The following DYNC1I1 variants were observed in gnomAD, a reference collection of about 807,000 sequenced individuals.
The protein encoded by DYNC1I1 is dynein cytoplasmic 1 intermediate chain 1, also known as cytoplasmic dynein 1 intermediate chain 1.
A neutral mutation model predicts 86.6 loss-of-function variants in DYNC1I1; 43 were observed. The observed-to-expected ratio is 0.50, with a 90% CI of 0.39 to 0.64. DYNC1I1 has a LOEUF of 0.64. Among genes scored for constraint, DYNC1I1 ranks in the 30% least tolerant of loss-of-function variants. The pLI, the probability that DYNC1I1 is intolerant of heterozygous loss-of-function variation, is 0.00. For synonymous variants in DYNC1I1, 262 were observed against 283.7 expected (o/e 0.92, Z 0.77); for missense variants, 604 against 788.8 (o/e 0.77, Z 2.81).
intron 16 of DYNC1I1, among the ~76,000 whole-genome samples, chr7:96,087,828 G>A (rs12704831): frequency 0.03 from 4,640 of 152,214 alleles, 117 homozygotes; most frequent in Non-Finnish European, 0.049. Flanking sequence ...ATATTTGCAT[G>A]GGCAGATTTG....
intron 5 of DYNC1I1, among the ~76,000 whole-genome samples, chr7:95,837,273 G>A (rs1432136186): frequency 4.6e-5 from 7 of 152,018 alleles, no homozygotes; most frequent in African/African-American, 1.7e-4. Context: ...TCCCAGTTAG[G>A]CTGCTCGGGG....
intron 10 of DYNC1I1, among the ~76,000 whole-genome samples, chr7:96,013,706 G>T (rs1050378870): frequency 5.3e-5 from 8 of 152,090 alleles, no homozygotes; most frequent in Non-Finnish European, 1.2e-4. Context: ...TGATCCTCTG[G>T]CCTTGGCCTC....
rs1228402594 is a variant in DYNC1I1 at position 95,804,726 on chromosome 7, C to A, written c.-4C>A. 1.9e-6 allele frequency: 3 copies of A among 1,589,230 alleles called. No individual in the cohort carries two copies. The highest frequency in any genetic ancestry group is 8.5e-7 in the Non-Finnish European group (1 of 1,169,806). On this transcript the variant is annotated 5_prime_UTR_variant, in exon 2 of 17. Coordinates refer to ENST00000447467, the MANE Select transcript of DYNC1I1 (RefSeq NM_001135556.2). ...TTTTTTTCTCTTTCTCCAAGGAAACCAACATGTCTGACAAAAGTGACTTAA... is the reference window on the plus strand; with the variant it reads ...TTTTTTTCTCTTTCTCCAAGGAAACAAACATGTCTGACAAAAGTGACTTAA...
intron 6 of DYNC1I1, among the ~76,000 whole-genome samples, chr7:95,922,071 T>C (rs1791624047): frequency 6.6e-6 from 1 of 152,182 alleles, no homozygotes; most frequent in South Asian, 2.1e-4. Flanking sequence ...GAATTTTTCA[T>C]AGTAGCAATT....
At chr7:95,871,938 T>C (rs1790181586) in intron 6 of DYNC1I1, among the ~76,000 whole-genome samples, 1 of 152,252 alleles carries the variant, frequency 6.6e-6, no homozygotes. Flanking sequence ...GCTACCATAG[T>C]TCTTGACATT....
At chr7:95,965,461 A>G (rs1359360128) in intron 6 of DYNC1I1, among the ~76,000 whole-genome samples, 1 of 152,186 alleles carries the variant, frequency 6.6e-6, no homozygotes, top group Non-Finnish European at 1.5e-5. Context: ...TTTGAGCCTC[A>G]ATTTTGTCAT....
intron 1 of DYNC1I1, among the ~76,000 whole-genome samples, chr7:95,801,588 C>T (rs567323277): frequency 7.2e-5 from 11 of 152,286 alleles, no homozygotes; most frequent in African/African-American, 2.6e-4. Flanking sequence ...GGAAAACTCA[C>T]ATTTTCTAAG....
intron 5 of DYNC1I1, among the ~76,000 whole-genome samples, chr7:95,847,739 A>G (rs1022429567): frequency 6.6e-5 from 10 of 152,292 alleles, no homozygotes; most frequent in African/African-American, 2.4e-4. Context: ...TCAGACATAA[A>G]ATGTGAATTT....
chr7:95,842,755 G>A (rs1304324116), intron 5 of DYNC1I1, among the ~76,000 whole-genome samples: 1 of 152,326 alleles, frequency 6.6e-6, no homozygotes, highest in African/African-American at 2.4e-5. Flanking sequence ...ATTTTTCTCA[G>A]AGGATGTCGA....
intron 16 of DYNC1I1, among the ~76,000 whole-genome samples, chr7:96,086,083 G>A (rs959950183): frequency 5.9e-5 from 9 of 152,126 alleles, no homozygotes; most frequent in South Asian, 2.1e-4. Flanking sequence ...AATTATTCAC[G>A]TGTCCTGATG....
intron 1 of DYNC1I1, among the ~76,000 whole-genome samples, chr7:95,781,742 G>A (rs559656982): frequency 6.6e-6 from 1 of 152,240 alleles, no homozygotes; most frequent in African/African-American, 2.4e-5. Context: ...CTTTAACCAG[G>A]GCACATGCTC....
Position 96,013,132 on chromosome 7 carries a change from A to C in DYNC1I1, c.970-15043A>C, listed in dbSNP as rs181406480. ...CCAGTGTAATCACAAGGGATCTCAT[A>C]AGTGAAAGAGAGAGAGAGAGGCAAA... On this transcript the variant is annotated intron_variant, in intron 10 of 16. Transcript: ENST00000447467. Among the ~76,000 whole-genome samples the C allele has an allele frequency of 3.3e-3, 497 of 152,170 alleles. 3 individuals are homozygous for C. Among genetic ancestry groups the C allele is most frequent in the African/African-American group, 0.011 (466 of 41,510 alleles).
rs749086223 is a variant in DYNC1I1, at chr7:95,987,143, C to T, written c.831C>T (p.Asp277=). Residue 277 remains aspartate (D), a synonymous_variant, in exon 9 of 17, where the codon GAC becomes GAT. Transcript: ENST00000447467. ...AGCATCGAGTGGTCACTTGTATGGA[C>T]TGGTCCCTCCAGGTAAGAATTATTG... is the stretch of plus-strand genomic sequence containing the variant. ...WSKHRVVTCM[D]WSLQYPELMV... is the part of the protein sequence containing the mutation. 2.5e-6 allele frequency: 4 copies of T among 1,613,680 alleles called. No individual in the cohort carries two copies. In the Admixed American group the frequency reaches 5.0e-5, roughly 20 times the overall value.
chr7:95,821,513 G>A (rs931994441), intron 4 of DYNC1I1, among the ~76,000 whole-genome samples: 2 of 151,890 alleles, frequency 1.3e-5, no homozygotes, highest in Non-Finnish European at 2.9e-5. Context: ...AGTGAGAGAG[G>A]GAGGAAAAGA....
At chr7:95,977,383 T>A (rs1434259123) in intron 6 of DYNC1I1, 129 bp from the exon 7 acceptor site, 2 of 676,052 alleles carry the variant, frequency 3.0e-6, no homozygotes, top group Non-Finnish European at 4.9e-6. Context: ...GCATTCATTG[T>A]GGACTGATTT....
chr7:95,946,951 G>T (rs770428817), intron 6 of DYNC1I1, among the ~76,000 whole-genome samples: 9 of 152,178 alleles, frequency 5.9e-5, no homozygotes, highest in Non-Finnish European at 1.2e-4. Flanking sequence ...GGCCTCCCTG[G>T]TCTGCTGATG....
intron 6 of DYNC1I1, among the ~76,000 whole-genome samples, chr7:95,906,290 C>G (rs73390901): frequency 2.0e-5 from 3 of 152,126 alleles, no homozygotes; most frequent in African/African-American, 4.8e-5. Flanking sequence ...TACTTAATCC[C>G]CTTGAGCTAC....
chr7:95,804,688 T>C, intron 1 of DYNC1I1, 33 bp from the exon 2 acceptor site: 7 of 1,534,980 alleles, frequency 4.6e-6, no homozygotes, highest in Non-Finnish European at 6.1e-6. Flanking sequence ...GTTATTTATA[T>C]ATATGTTCAC....
At chr7:95,877,516 G>C (rs1325152383) in intron 6 of DYNC1I1, among the ~76,000 whole-genome samples, 1 of 152,220 alleles carries the variant, frequency 6.6e-6, no homozygotes, top group African/African-American at 2.4e-5. Flanking sequence ...ACCAGGGAGA[G>C]AGGCAAGTCA....
Sources: gnomAD v4.1 joint callset for allele counts (sites outside exome capture counted in the v4.1 genomes callset) on GRCh38, gnomAD v4.1.1 for gene constraint, MANE v1.5 for transcripts, NCBI Gene and HGNC (gene_info 2026-07-23, HGNC 2026-07-21) for gene names.